The following SI variants were observed in gnomAD, a reference collection of about 807,000 sequenced individuals.
The protein encoded by SI is sucrase-isomaltase, intestinal.
SI carries 235 observed loss-of-function variants against 253.3 expected under a neutral mutation model. The observed-to-expected ratio is 0.93, with a 90% CI of 0.83 to 1.03. The LOEUF is 1.03. Among genes scored for constraint, SI ranks in the 50% least tolerant of loss-of-function variants. The probability of loss-of-function intolerance (pLI) is 0.00; values close to 1 mark genes in which losing one functional copy is unlikely to be tolerated. For synonymous variants in SI, 819 were observed against 712.0 expected (o/e 1.15, Z -2.39); for missense variants, 2,442 against 2,211.1 (o/e 1.10, Z -2.09).
At chr3:165,087,210 G>A in the SI span, among the ~76,000 whole-genome samples, 1 of 152,086 alleles carries the variant, frequency 6.6e-6, no homozygotes, top group Non-Finnish European at 1.5e-5. Context: ...GGACCACCAG[G>A]AGGGTCTCCT....
intron 22 of SI, among the ~76,000 whole-genome samples, chr3:165,034,511 C>T (rs1712420540): frequency 6.6e-6 from 1 of 151,918 alleles, no homozygotes; most frequent in Non-Finnish European, 1.5e-5. Flanking sequence ...TACAAAACTT[C>T]TATGTACTAA....
chr3:165,038,132 T>A (rs1712628760), intron 20 of SI, 108 bp from the exon 21 acceptor site: 1 of 990,688 alleles, frequency 1.0e-6, no homozygotes, highest in South Asian at 1.5e-5. Context: ...GTCATCCAAA[T>A]GAATACGAAT....
At chr3:165,026,060 C>A (rs747249685) in intron 25 of SI, among the ~76,000 whole-genome samples, 23 of 151,162 alleles carry the variant, frequency 1.5e-4, no homozygotes, top group Admixed American at 3.3e-4. Context: ...TAACTATTCA[C>A]CAACCAACTA....
chr3:165,018,114 G>T (rs1272830761), intron 28 of SI, 48 bp from the exon 29 acceptor site: 1 of 1,053,562 alleles, frequency 9.5e-7, no homozygotes, highest in Non-Finnish European at 1.5e-6. Flanking sequence ...ACAATAGCAT[G>T]TGAATTTAAT....
chr3:165,058,926 T>C (rs1455856887), intron 12 of SI, 37 bp downstream of exon 12: 1 of 1,577,412 alleles, frequency 6.3e-7, no homozygotes, highest in Non-Finnish European at 8.7e-7. Flanking sequence ...GAGAAGAAAA[T>C]TTGAGCAACA....
intron 16 of SI, among the ~76,000 whole-genome samples, chr3:165,046,580 T>C (rs1215276299): frequency 2.0e-5 from 3 of 151,980 alleles, no homozygotes; most frequent in Non-Finnish European, 4.4e-5. Context: ...TATAAGCTTT[T>C]ATATGCTGTT....
chr3:165,038,052 T>G, intron 20 of SI, 28 bp from the exon 21 acceptor site: 1 of 1,565,382 alleles, frequency 6.4e-7, no homozygotes, highest in Non-Finnish European at 8.8e-7. Flanking sequence ...AAAAACATTC[T>G]TAATATTATT....
At position 165,015,685 on chromosome 3, in the gene SI, C is replaced by A. The variant is rs1314433156; in HGVS notation, c.3888+267G>T. Among the ~76,000 whole-genome samples the A allele has an allele frequency of 1.3e-5, 2 of 151,886 alleles. 1 individual carries two copies. Among genetic ancestry groups the A allele is most frequent in the Admixed American group, 1.3e-4 (2 of 15,236 alleles). ...TTTGATAACTCCCATAAATAGAGGCCAATTTGTAGCTTGGATGATAACTAG... is the reference window on the plus strand; with the variant it reads ...TTTGATAACTCCCATAAATAGAGGCAAATTTGTAGCTTGGATGATAACTAG... On this transcript the variant is annotated intron_variant, in intron 32 of 47. Transcript: ENST00000264382.
At chr3:165,035,407 T>C (rs1255104560) in intron 22 of SI, among the ~76,000 whole-genome samples, 1 of 151,882 alleles carries the variant, frequency 6.6e-6, no homozygotes, top group Non-Finnish European at 1.5e-5. Context: ...TGCTAATACA[T>C]TGAAATAATG....
At chr3:165,063,391 A>C (rs778805371) in intron 8 of SI, 51 bp downstream of exon 8, 1 of 863,086 alleles carries the variant, frequency 1.2e-6, no homozygotes, top group Non-Finnish European at 2.0e-6. Flanking sequence ...AGAGCAGTTA[A>C]AACATTTCAA....
intron 44 of SI, 89 bp downstream of exon 44, chr3:164,991,264 G>GT (rs1465934791): frequency 1.4e-5 from 21 of 1,478,448 alleles, no homozygotes; most frequent in Middle Eastern, 1.8e-4. Context: ...TTGGCGATGG[G>GT]TTAAAATTTC....
chr3:165,084,626 A>G, the SI span, among the ~76,000 whole-genome samples: 1,221 of 152,012 alleles, frequency 8.0e-3, 19 homozygotes, highest in African/African-American at 0.028. Context: ...TTGAAAATAC[A>G]TTTCCTTCCT....
chr3:165,050,011 C>A, intron 13 of SI, 136 bp from the exon 14 acceptor site: 1 of 643,020 alleles, frequency 1.6e-6, no homozygotes, highest in Admixed American at 2.5e-5. Context: ...TAAATATAAG[C>A]TACCAACCTA....
Position 164,992,189 on chromosome 3 carries a change from A to G in SI, c.4971T>C (p.Phe1657=). The G allele has an allele frequency of 6.2e-7, 1 of 1,611,264 alleles. No homozygotes were observed. The highest frequency in any genetic ancestry group is 1.1e-5 in the South Asian group (1 of 90,998). ...CTTAAATACTTACTGTATGGTAGTCAAACCACCGAGCATTGGGGACGTAGG... is the reference window on the plus strand; with the variant it reads ...CTTAAATACTTACTGTATGGTAGTCGAACCACCGAGCATTGGGGACGTAGG... ...VNAYVPNARW[F]DYHTGKDIGV... is the part of the protein sequence containing the mutation. The change falls in exon 43 of 48, where the codon TTT becomes TTC. Residue 1657 remains phenylalanine (F), a synonymous_variant. Coordinates refer to ENST00000264382, the MANE Select transcript of SI (RefSeq NM_001041.4).
chr3:165,006,526 C>A (rs1221421208), intron 37 of SI, among the ~76,000 whole-genome samples: 1 of 151,990 alleles, frequency 6.6e-6, no homozygotes, highest in East Asian at 1.9e-4. Flanking sequence ...ATTTATTGAG[C>A]ACCTACAATT....
chr3:164,998,059 G>T (rs920744069), intron 38 of SI, among the ~76,000 whole-genome samples: 40 of 151,598 alleles, frequency 2.6e-4, no homozygotes, highest in African/African-American at 9.0e-4. Context: ...ATGGGATTTT[G>T]GGGTTGAATG....
At chr3:165,032,287 T>G in intron 24 of SI, among the ~76,000 whole-genome samples, 1 of 150,924 alleles carries the variant, frequency 6.6e-6, no homozygotes, top group South Asian at 2.1e-4. Flanking sequence ...ATGAAATATA[T>G]AGAGAGAAAT....
At chr3:165,043,933 T>TTA (rs1576905743) in intron 16 of SI, among the ~76,000 whole-genome samples, 1 of 151,948 alleles carries the variant, frequency 6.6e-6, no homozygotes, top group Non-Finnish European at 1.5e-5. Context: ...TCCGTGAAAT[T>TTA]TATATATAGG....
In SI at chr3:164,996,771, A is replaced by G. The variant is rs561697975; in HGVS notation, c.4542T>C (p.Gly1514=). 179 of 1,028,978 alleles carry G rather than the reference A, an allele frequency of 1.7e-4. 11 individuals carry two copies. In the South Asian group the frequency reaches 2.6e-3, roughly 15 times the overall value. 63.7% of individuals were successfully genotyped at this position (1,028,978 alleles called of 1,614,324 possible). A position where few individuals can be genotyped will look rare whatever the true frequency, so the allele number is the denominator to read the frequency against. Residue 1514 remains glycine (G), a splice_region_variant and synonymous_variant, in exon 39 of 48, where the codon GGT becomes GGC. Transcript: ENST00000264382. ...RWDNMDKSII[G]MMEFSLFGMS... ...TTCCAAACAGACTAAATTCCATCAT[A>G]CCTGAAAAAGTTAGAAAAAATATCT...
Sources: gnomAD v4.1 joint callset for allele counts (sites outside exome capture counted in the v4.1 genomes callset) on GRCh38, gnomAD v4.1.1 for gene constraint, MANE v1.5 for transcripts, NCBI Gene and HGNC (gene_info 2026-07-23, HGNC 2026-07-21) for gene names.